Variants in SKOR2 observed in about 807,000 individuals in gnomAD.
The protein encoded by SKOR2 is LBX1 corepressor 1-like protein.
A neutral mutation model predicts 69.1 loss-of-function variants in SKOR2; 47 were observed. That is an observed-to-expected ratio of 0.68 (90% CI 0.54 to 0.87). SKOR2 has a LOEUF of 0.87. Among genes scored for constraint, SKOR2 ranks in the 40% least tolerant of loss-of-function variants. SKOR2 has a pLI of 0.00. For missense variants in SKOR2, 1,404 were observed against 1,472.2 expected (o/e 0.95, Z 0.76); for synonymous variants, 717 against 672.6 (o/e 1.07, Z -1.02).
At chr18:47,241,638 C>CA (rs11285635) in intron 4 of SKOR2, among the ~76,000 whole-genome samples, 3,133 of 149,844 alleles carry the variant, frequency 0.021, 46 homozygotes, top group Middle Eastern at 0.073. Context: ...AACAAACAAA[C>CA]AAAAAAAAAA....
Position 47,248,767 on chromosome 18 carries a change from C to T in SKOR2, c.417G>A (p.Leu139=). The T allele has an allele frequency of 6.5e-7, 1 of 1,549,954 alleles. No homozygotes were observed. The highest frequency in any genetic ancestry group is 1.4e-5 in the African/African-American group (1 of 73,622). The change falls in exon 2 of 9, where the codon CTG becomes CTA. Residue 139 remains leucine (L), a synonymous_variant. Coordinates refer to ENST00000425639, the MANE Select transcript of SKOR2 (RefSeq NM_001278063.4). This position sits in a 1 kb window ranked among gnomAD's most constrained non-coding sequence, Gnocchi z 6.4. ...ACACGTCGAAGGCGAAATTGTCTGG[C>T]AGCTTGGGCGGCCTGTTTTCGCCCA... ...SFLGENRPPK[L]PDNFAFDVSH... is the part of the protein sequence containing the mutation.
At chr18:47,230,835 G>T in intron 5 of SKOR2, 100 bp downstream of exon 5, 1 of 1,199,864 alleles carries the variant, frequency 8.3e-7, no homozygotes, top group Non-Finnish European at 1.2e-6. Flanking sequence ...TATGTTGCTT[G>T]TCAAGCTAAA....
chr18:47,244,847 G>T (rs2064264132), intron 4 of SKOR2, 61 bp downstream of exon 4: 5 of 1,426,166 alleles, frequency 3.5e-6, no homozygotes, highest in Non-Finnish European at 4.7e-6. Flanking sequence ...TTTTGATTAT[G>T]AATTTCAGCC....
chr18:47,222,895 T>C (rs536447027), intron 6 of SKOR2, among the ~76,000 whole-genome samples: 1 of 152,314 alleles, frequency 6.6e-6, no homozygotes, highest in East Asian at 1.9e-4. Context: ...CTTAATATAA[T>C]TCCTTAAGTT....
At chr18:47,237,922 C>CCAAAGTA (rs2064231820) in intron 4 of SKOR2, among the ~76,000 whole-genome samples, 1 of 152,136 alleles carries the variant, frequency 6.6e-6, no homozygotes, top group Non-Finnish European at 1.5e-5. Flanking sequence ...AGGGAATCCT[C>CCAAAGTA]CTGTTTCATT....
At chr18:47,250,639 G>A (rs1242368863) in intron 1 of SKOR2, among the ~76,000 whole-genome samples, 1 of 152,214 alleles carries the variant, frequency 6.6e-6, no homozygotes, top group Non-Finnish European at 1.5e-5. Flanking sequence ...CTGGGCCCCT[G>A]TGGCATCTAT....
intron 2 of SKOR2, 35 bp downstream of exon 2, chr18:47,246,536 T>C: frequency 6.8e-7 from 1 of 1,469,140 alleles, no homozygotes; most frequent in East Asian, 2.8e-5. Context: ...TAAATAATAA[T>C]AATTAGCTTG....
intron 7 of SKOR2, 111 bp from the exon 8 acceptor site, chr18:47,212,262 G>GAA: frequency 1.0e-6 from 1 of 999,890 alleles, no homozygotes; most frequent in Non-Finnish European, 1.3e-6. Context: ...GATCCTCCCT[G>GAA]AAAAAAAGAG....
intron 6 of SKOR2, among the ~76,000 whole-genome samples, chr18:47,224,557 T>TG (rs1196971127): frequency 6.6e-6 from 1 of 152,186 alleles, no homozygotes; most frequent in Non-Finnish European, 1.5e-5. Context: ...CAGTGGGCTT[T>TG]GGGGTTCAAT....
At position 47,207,769 on chromosome 18, in the gene SKOR2, G is replaced by A. The variant is rs372035705; in HGVS notation, c.*4-877C>T. Among the ~76,000 whole-genome samples, 101 of 152,162 alleles carry A rather than the reference G, an allele frequency of 6.6e-4. 1 individual carries two copies. The South Asian group carries it at 0.018, about 27-fold the overall frequency. On this transcript the variant is annotated intron_variant, in intron 8 of 8. Coordinates refer to ENST00000425639, the MANE Select transcript of SKOR2 (RefSeq NM_001278063.4). ...TTAAAAGACTCTTGTTGTTACTTTCGTAGTAATTATTCCAGAAGTGAAACA... is the reference window on the plus strand; with the variant it reads ...TTAAAAGACTCTTGTTGTTACTTTCATAGTAATTATTCCAGAAGTGAAACA...
intron 8 of SKOR2, among the ~76,000 whole-genome samples, chr18:47,210,665 C>T (rs914916413): frequency 3.9e-5 from 6 of 152,096 alleles, no homozygotes; most frequent in Admixed American, 3.9e-4. Flanking sequence ...AAAGAAATTG[C>T]CCAAAGTCAA....
chr18:47,244,578 CT>C (rs2064262877), intron 4 of SKOR2, among the ~76,000 whole-genome samples: 1 of 152,120 alleles, frequency 6.6e-6, no homozygotes, highest in South Asian at 2.1e-4. Flanking sequence ...TAATGTCTTT[CT>C]GACAGATATT....
chr18:47,237,257 T>C (rs1288543523), intron 4 of SKOR2, among the ~76,000 whole-genome samples: 1 of 152,216 alleles, frequency 6.6e-6, no homozygotes, highest in Non-Finnish European at 1.5e-5. Context: ...GATGCTCCAA[T>C]AGAAAATAAG....
intron 6 of SKOR2, among the ~76,000 whole-genome samples, chr18:47,226,508 G>A (rs1370730075): frequency 6.6e-6 from 1 of 152,106 alleles, no homozygotes; most frequent in African/African-American, 2.4e-5. Context: ...CTCAATTCCA[G>A]CTTCTCCTTT....
At chr18:47,244,572 G>A (rs1385599178) in intron 4 of SKOR2, among the ~76,000 whole-genome samples, 1 of 152,088 alleles carries the variant, frequency 6.6e-6, no homozygotes, top group Non-Finnish European at 1.5e-5. Context: ...CACCTTTAAT[G>A]TCTTTCTGAC....
chr18:47,247,313 A>C lies in SKOR2; in HGVS notation c.1871T>G (p.Phe624Cys). 1.3e-6 allele frequency: 2 copies of C among 1,481,600 alleles called. No individual in the cohort carries two copies. Among genetic ancestry groups the C allele is most frequent in the South Asian group, 2.5e-5 (2 of 79,650 alleles). The allele number at this position is 1,481,600 out of a possible 1,614,324, so 91.8% of individuals were successfully genotyped here. A position where few individuals can be genotyped will look rare whatever the true frequency, so the allele number is the denominator to read the frequency against. The change falls in exon 2 of 9, where the codon TTC becomes TGC. Residue 624 changes from phenylalanine (F) to cysteine (C), a missense_variant. Physicochemically the swap from Phe to Cys is radical, Grantham distance 205. Around this residue, in one of 3 missense-constraint regions of SKOR2, gnomAD observed 1,266 missense variants for 1,309.9 expected, o/e 0.97. Coordinates refer to ENST00000425639, the MANE Select transcript of SKOR2 (RefSeq NM_001278063.4). The surrounding 1 kb of genome is among the most constrained non-coding windows in gnomAD (Gnocchi z 6.6). ...GGGSYHHSSA[F>C]RPVGGKDDAE... is the part of the protein sequence containing the mutation. Reference sequence around the variant, plus strand: ...GTCGTCCTTGCCGCCCACTGGCCGGAAGGCGCTGGAATGGTGGTAGCTGCC... The same window carrying C: ...GTCGTCCTTGCCGCCCACTGGCCGGCAGGCGCTGGAATGGTGGTAGCTGCC...
intron 6 of SKOR2, among the ~76,000 whole-genome samples, chr18:47,222,538 C>G (rs79981201): frequency 0.029 from 4,476 of 152,222 alleles, 215 homozygotes; most frequent in African/African-American, 0.1. Flanking sequence ...GGGAACCAGC[C>G]CTCCACAAAC....
At chr18:47,234,130 T>C (rs1041202739) in intron 4 of SKOR2, among the ~76,000 whole-genome samples, 10 of 152,240 alleles carry the variant, frequency 6.6e-5, no homozygotes, top group Non-Finnish European at 1.3e-4. Flanking sequence ...TGTGTATCTT[T>C]TACTGGACTG....
rs1465389644 is a variant in SKOR2, at chr18:47,249,091, T to C, written c.93A>G (p.Pro31=). 2 of 1,536,264 alleles carry C rather than the reference T, an allele frequency of 1.3e-6. No individual in the cohort carries two copies. Among genetic ancestry groups the C allele is most frequent in the Non-Finnish European group, 8.7e-7 (1 of 1,146,898 alleles). Residue 31 remains proline, a synonymous_variant, in exon 2 of 9, where the codon CCA becomes CCG. Transcript: ENST00000425639. ...FQPDTLSQPR[P]GHANLKPNQV... is the part of the protein sequence containing the mutation. ...GGTTGGGTTTGAGGTTGGCGTGCCCTGGCCGCGGCTGGCTCAGCGTGTCGG... is the reference window on the plus strand; with the variant it reads ...GGTTGGGTTTGAGGTTGGCGTGCCCCGGCCGCGGCTGGCTCAGCGTGTCGG...
Sources: gnomAD v4.1 joint callset for allele counts (sites outside exome capture counted in the v4.1 genomes callset) on GRCh38, gnomAD v4.1.1 for gene constraint, gnomAD v4.1.1 regional missense constraint, Gnocchi (gnomAD v3.1) non-coding constraint, MANE v1.5 for transcripts, NCBI Gene and HGNC (gene_info 2026-07-23, HGNC 2026-07-21) for gene names.